PPP2R5E: variants seen among roughly 807,000 people sequenced by gnomAD.
PPP2R5E encodes protein phosphatase 2 regulatory subunit B'epsilon.
Under a neutral mutation model 65.3 loss-of-function variants are expected in PPP2R5E, and 4 were observed. That is an observed-to-expected ratio of 0.06 (90% confidence interval 0.03 to 0.14). The LOEUF is 0.14. Among genes scored for constraint, PPP2R5E ranks in the 10% least tolerant of loss-of-function variants. The probability of loss-of-function intolerance (pLI) is 1.00; values close to 1 mark genes in which losing one functional copy is unlikely to be tolerated. For synonymous variants in PPP2R5E, 183 were observed against 187.4 expected, an observed-to-expected ratio of 0.98 and a Z score of 0.19; for missense variants, 274 against 556.1, an observed-to-expected ratio of 0.49 and a Z score of 5.10.
rs1555354234 is a variant in PPP2R5E at position 63,379,827 on chromosome 14, T to TCTCTC, written c.1304+2228_1304+2229insGAGAG. On this transcript the variant is annotated intron_variant, in intron 13 of 13. Transcript: ENST00000337537. ...AAGTTGTTCTTCAATATTCTCTCTC[T>TCTCTC]TTTTTTTTTTTTTTTTTTTTTTTTT... Among the ~76,000 whole-genome samples, 1,002 of 80,456 alleles carry TCTCTC rather than the reference T, an allele frequency of 0.012. 73 individuals carry two copies. In the East Asian group the frequency reaches 0.13, roughly 11 times the overall value. 52.8% of individuals were successfully genotyped at this position (80,456 alleles called of 152,430 possible). A position where few individuals can be genotyped will look rare whatever the true frequency, so the allele number is the denominator to read the frequency against.
At chr14:63,472,172 C>A (rs1182505409) in intron 2 of PPP2R5E, among the ~76,000 whole-genome samples, 1 of 152,086 alleles carries the variant, frequency 6.6e-6, no homozygotes, top group Non-Finnish European at 1.5e-5. Flanking sequence ...TGGTGACAGG[C>A]GCCTGTAATC....
intron 5 of PPP2R5E, among the ~76,000 whole-genome samples, chr14:63,413,779 C>T (rs1236575710): frequency 1.3e-5 from 2 of 152,224 alleles, no homozygotes; most frequent in Non-Finnish European, 2.9e-5. Flanking sequence ...CCGTGATCCA[C>T]GTATCCATCT....
At chr14:63,521,962 C>CCCCCCT (rs1892926727) in intron 2 of PPP2R5E, among the ~76,000 whole-genome samples, 1 of 131,848 alleles carries the variant, frequency 7.6e-6, no homozygotes, top group African/African-American at 3.2e-5. Flanking sequence ...CCTCCCCCTC[C>CCCCCCT]CCCTCTCCCC....
Position 63,468,707 on chromosome 14 carries a change from T to C in PPP2R5E, c.158-14822A>G, listed in dbSNP as rs116586833. ...GCAAAGGAAATAAATAAACAAGCAATGTTCGACAGCTTTGTCCTTGGAGCC... is the reference window on the plus strand; with the variant it reads ...GCAAAGGAAATAAATAAACAAGCAACGTTCGACAGCTTTGTCCTTGGAGCC... On this transcript the variant is annotated intron_variant, in intron 2 of 13. Transcript: ENST00000337537. Among the ~76,000 whole-genome samples the C allele has an allele frequency of 5.5e-3, 839 of 152,336 alleles. 5 individuals are homozygous for C. Among genetic ancestry groups the C allele is most frequent in the African/African-American group, 0.019 (800 of 41,564 alleles).
intron 3 of PPP2R5E, among the ~76,000 whole-genome samples, chr14:63,443,405 G>T (rs146774006): frequency 6.6e-6 from 1 of 152,286 alleles, no homozygotes; most frequent in Non-Finnish European, 1.5e-5. Context: ...TGATCAGTGT[G>T]ACAAGGTTGA....
chr14:63,527,890 G>T (rs550967572), intron 2 of PPP2R5E, among the ~76,000 whole-genome samples: 1 of 150,920 alleles, frequency 6.6e-6, no homozygotes, highest in South Asian at 2.1e-4. Flanking sequence ...AGCAGAGATC[G>T]CGTCACTGCA....
At chr14:63,385,975 G>A (rs1884643210) in intron 11 of PPP2R5E, among the ~76,000 whole-genome samples, 1 of 151,962 alleles carries the variant, frequency 6.6e-6, no homozygotes. Context: ...GGCTCATCTT[G>A]GATTTCATGA....
chr14:63,384,350 A>G, intron 12 of PPP2R5E, 94 bp downstream of exon 12: 1 of 1,417,508 alleles, frequency 7.1e-7, no homozygotes, highest in Non-Finnish European at 9.8e-7. Flanking sequence ...ATACGTCTTC[A>G]GCAACAAGGA....
intron 2 of PPP2R5E, among the ~76,000 whole-genome samples, chr14:63,514,198 C>T (rs1036249614): frequency 3.9e-5 from 6 of 152,230 alleles, no homozygotes; most frequent in African/African-American, 1.4e-4. Flanking sequence ...TTAGACCCCA[C>T]TAAATCTTTA....
chr14:63,446,907 G>A (rs897333826), intron 3 of PPP2R5E, among the ~76,000 whole-genome samples: 1 of 152,032 alleles, frequency 6.6e-6, no homozygotes, highest in Non-Finnish European at 1.5e-5. Context: ...GGGTAACAAG[G>A]TGGATAGTCA....
intron 3 of PPP2R5E, among the ~76,000 whole-genome samples, chr14:63,426,483 A>G (rs568281985): frequency 1.3e-5 from 2 of 152,260 alleles, no homozygotes; most frequent in Admixed American, 6.5e-5. Flanking sequence ...TATAAGGATA[A>G]GAATGTAAAT....
intron 4 of PPP2R5E, among the ~76,000 whole-genome samples, chr14:63,416,246 G>A (rs542046576): frequency 6.2e-4 from 94 of 152,324 alleles, no homozygotes; most frequent in South Asian, 5.0e-3. Context: ...CTTCAGCCCA[G>A]GAGTTTGAGT....
intron 4 of PPP2R5E, among the ~76,000 whole-genome samples, chr14:63,419,874 T>C (rs181180439): frequency 1.1e-4 from 16 of 152,340 alleles, no homozygotes; most frequent in Admixed American, 6.5e-4. Context: ...CTCATTACCA[T>C]TCTTCACTGT....
chr14:63,496,443 C>CAAAAAAAAA (rs753525299), intron 2 of PPP2R5E, among the ~76,000 whole-genome samples: 1 of 118,656 alleles, frequency 8.4e-6, no homozygotes, highest in Non-Finnish European at 1.8e-5. Context: ...GACTCTGTCT[C>CAAAAAAAAA]AAAAAAAAAA....
chr14:63,424,620 G>C (rs955355170), intron 3 of PPP2R5E, among the ~76,000 whole-genome samples: 9 of 151,868 alleles, frequency 5.9e-5, no homozygotes, highest in African/African-American at 2.2e-4. Context: ...GTGTGGTGGC[G>C]GGCGCCTGTA....
chr14:63,422,317 G>A (rs894305636), intron 3 of PPP2R5E, among the ~76,000 whole-genome samples: 2 of 152,032 alleles, frequency 1.3e-5, no homozygotes, highest in Admixed American at 6.5e-5. Context: ...ACTATTAATC[G>A]TCCTTATTTA....
chr14:63,430,389 A>ACATACATACATGCATG (rs1887596340), intron 3 of PPP2R5E, among the ~76,000 whole-genome samples: 4 of 142,590 alleles, frequency 2.8e-5, no homozygotes, highest in East Asian at 2.2e-4. Flanking sequence ...ATACATACAT[A>ACATACATACATGCATG]CATACATACA....
chr14:63,424,678 G>C (rs1281467383), intron 3 of PPP2R5E, among the ~76,000 whole-genome samples: 1 of 150,112 alleles, frequency 6.7e-6, no homozygotes, highest in Non-Finnish European at 1.5e-5. Context: ...GTGAACCCGG[G>C]AGGCGGAGCT....
At chr14:63,439,594 G>A (rs556238334) in intron 3 of PPP2R5E, among the ~76,000 whole-genome samples, 7 of 152,180 alleles carry the variant, frequency 4.6e-5, no homozygotes, top group East Asian at 1.9e-4. Flanking sequence ...GGCTGGTCTC[G>A]AACTCCGGAC....
Sources: allele counts gnomAD v4.1 joint callset (sites outside exome capture counted in the v4.1 genomes callset), GRCh38; gene constraint gnomAD v4.1.1; transcripts MANE v1.5; gene names NCBI Gene and HGNC (gene_info 2026-07-23, HGNC 2026-07-21).